Variants in PRKN observed in about 807,000 individuals in gnomAD.
The protein encoded by PRKN is E3 ubiquitin-protein ligase parkin.
A neutral mutation model predicts 59.5 loss-of-function variants in PRKN; 56 were observed. The observed-to-expected ratio is 0.94, with a 90% CI of 0.76 to 1.18. PRKN has a LOEUF of 1.18. Ranked by LOEUF, PRKN falls within the 50% of genes most tolerant of loss-of-function variation. PRKN has a pLI of 0.00. For synonymous variants in PRKN, 250 were observed against 222.1 expected (o/e 1.13, Z -1.12); for missense variants, 657 against 596.4 (o/e 1.10, Z -1.06).
chr6:162,012,738 C>G (rs1003692010), intron 5 of PRKN, among the ~76,000 whole-genome samples: 1 of 152,112 alleles, frequency 6.6e-6, no homozygotes, highest in Non-Finnish European at 1.5e-5. Flanking sequence ...TACTTTCAGT[C>G]CCCTCTGATC....
chr6:161,620,709 A>G (rs1024021152), intron 7 of PRKN, among the ~76,000 whole-genome samples: 2 of 152,196 alleles, frequency 1.3e-5, no homozygotes, highest in African/African-American at 4.8e-5. Context: ...GATAGTAACT[A>G]AGGGATCCAA....
chr6:162,060,482 C>T (rs1401741859), intron 4 of PRKN, among the ~76,000 whole-genome samples: 1 of 152,190 alleles, frequency 6.6e-6, no homozygotes, highest in Admixed American at 6.5e-5. Flanking sequence ...AATGACCCCA[C>T]AGAGGGAAAG....
At chr6:162,191,817 T>C (rs55774230) in intron 4 of PRKN, among the ~76,000 whole-genome samples, 3,484 of 152,276 alleles carry the variant, frequency 0.023, 119 homozygotes, top group African/African-American at 0.078. Flanking sequence ...ACAGAATTGA[T>C]GCCTTGATGC....
chr6:162,447,139 A>C (rs779256195), intron 1 of PRKN, among the ~76,000 whole-genome samples: 3 of 152,188 alleles, frequency 2.0e-5, no homozygotes, highest in Non-Finnish European at 4.4e-5. Flanking sequence ...CTATCCTCCT[A>C]GTGCTGGGCA....
chr6:161,444,368 A>G lies in PRKN; in HGVS notation c.1084-57491T>C, dbSNP rs1407463247. Among the ~76,000 whole-genome samples the G allele has an allele frequency of 6.6e-6, 1 of 152,242 alleles. No homozygotes were observed. The highest frequency in any genetic ancestry group is 1.5e-5 in the Non-Finnish European group (1 of 68,052). ...TGTGCTCTGTAATGGGTTTAGCCAA[A>G]GCATCCCCACCACCTTCCTCCAGGA... On this transcript the variant is annotated intron_variant, in intron 9 of 11. Transcript: ENST00000366898. The surrounding 1 kb of genome is among the most constrained non-coding windows in gnomAD (Gnocchi z 5.6).
rs925276366 is a variant in PRKN, at chr6:161,377,412, C to T, written c.1167+9382G>A. 5.3e-5 allele frequency among the ~76,000 whole-genome samples: 8 copies of T among 152,310 alleles called. No homozygotes were observed. The highest frequency in any genetic ancestry group is 9.6e-5 in the African/African-American group (4 of 41,574). On this transcript the variant is annotated intron_variant, in intron 10 of 11. Coordinates refer to ENST00000366898, the MANE Select transcript of PRKN (RefSeq NM_004562.3). The surrounding 1 kb of genome is among the most constrained non-coding windows in gnomAD (Gnocchi z 4.2). ...ACCATGGCCCCACGGTGGTAGTGGC[C>T]GGGCTGGGGAGATTCCTTATGACAC...
At chr6:161,595,700 G>T (rs1373920588) in intron 7 of PRKN, among the ~76,000 whole-genome samples, 2 of 152,098 alleles carry the variant, frequency 1.3e-5, no homozygotes, top group East Asian at 3.9e-4. Context: ...AAATTCACAG[G>T]GCAGGGAAGT....
intron 8 of PRKN, among the ~76,000 whole-genome samples, chr6:161,558,791 G>A (rs1355360778): frequency 6.6e-6 from 1 of 151,980 alleles, no homozygotes; most frequent in East Asian, 1.9e-4. Flanking sequence ...TAGATTGTCA[G>A]TAATCTTCAT....
chr6:162,574,074 C>T (rs1342370880), intron 1 of PRKN, among the ~76,000 whole-genome samples: 2 of 152,124 alleles, frequency 1.3e-5, no homozygotes, highest in African/African-American at 4.8e-5. Context: ...ATCTTGGGTC[C>T]CAGTCCACCT....
chr6:161,683,863 A>T (rs1002313307), intron 7 of PRKN, among the ~76,000 whole-genome samples: 4 of 152,182 alleles, frequency 2.6e-5, no homozygotes, highest in Non-Finnish European at 4.4e-5. Flanking sequence ...CAGCGAGAAG[A>T]CAGCTGCCAT....
At chr6:161,891,128 T>C (rs1795327184) in intron 6 of PRKN, among the ~76,000 whole-genome samples, 1 of 152,190 alleles carries the variant, frequency 6.6e-6, no homozygotes, top group African/African-American at 2.4e-5. Flanking sequence ...AGGAGAGTTT[T>C]ATGGCTGCTC....
chr6:161,721,571 C>G (rs1787221950), intron 7 of PRKN, among the ~76,000 whole-genome samples: 2 of 152,162 alleles, frequency 1.3e-5, no homozygotes, highest in Admixed American at 6.5e-5. Context: ...AAAAAGGCTT[C>G]TAAGGCCAGT....
chr6:162,350,639 G>C (rs1562693025), intron 2 of PRKN, among the ~76,000 whole-genome samples: 1 of 152,192 alleles, frequency 6.6e-6, no homozygotes, highest in East Asian at 1.9e-4. Flanking sequence ...AATGAACTTT[G>C]ATTTCTGCTT....
At chr6:161,785,427 G>A (rs888214212) in intron 7 of PRKN, among the ~76,000 whole-genome samples, 3 of 152,106 alleles carry the variant, frequency 2.0e-5, no homozygotes, top group Admixed American at 6.5e-5. Context: ...AGAGGTATAC[G>A]ATTTAAAAAT....
chr6:162,216,222 A>C (rs1236400585), intron 3 of PRKN, among the ~76,000 whole-genome samples: 1 of 152,004 alleles, frequency 6.6e-6, no homozygotes, highest in East Asian at 2.0e-4. Flanking sequence ...TTCAGTGAAA[A>C]GTCCTTCTTT....
rs75642197 is a variant in PRKN, at chr6:161,626,407, C to T, written c.872-56991G>A. On this transcript the variant is annotated intron_variant, in intron 7 of 11. Transcript: ENST00000366898. ...CAGTGACTGATGATGCTTCAGGTCC[C>T]GTTAGTGGGCGCCAGTCCTTCCTTC... Among the ~76,000 whole-genome samples the T allele has an allele frequency of 3.3e-3, 506 of 152,286 alleles. 11 individuals are homozygous for T. The East Asian group carries it at 0.055, about 17-fold the overall frequency.
At chr6:161,909,211 A>T (rs1436059518) in intron 6 of PRKN, among the ~76,000 whole-genome samples, 2 of 152,222 alleles carry the variant, frequency 1.3e-5, no homozygotes, top group African/African-American at 2.4e-5. Context: ...GCTCATGAGA[A>T]GGCATTTTGT....
intron 1 of PRKN, among the ~76,000 whole-genome samples, chr6:162,718,385 T>C (rs1219039581): frequency 1.3e-5 from 2 of 152,092 alleles, no homozygotes; most frequent in Admixed American, 6.6e-5. Flanking sequence ...TGATCCAATA[T>C]GAAAGTTTCT....
At chr6:161,704,363 T>C (rs557834360) in intron 7 of PRKN, among the ~76,000 whole-genome samples, 25 of 152,234 alleles carry the variant, frequency 1.6e-4, no homozygotes, top group Non-Finnish European at 2.8e-4. Flanking sequence ...ACTAACCTAA[T>C]TTCCCCTCAT....
Sources: gnomAD v4.1 joint callset for allele counts (sites outside exome capture counted in the v4.1 genomes callset) on GRCh38, gnomAD v4.1.1 for gene constraint, Gnocchi (gnomAD v3.1) non-coding constraint, MANE v1.5 for transcripts, NCBI Gene and HGNC (gene_info 2026-07-23, HGNC 2026-07-21) for gene names.